DDX4: variants seen among roughly 807,000 people sequenced by gnomAD.
DDX4 encodes the protein probable ATP-dependent RNA helicase DDX4.
DDX4 carries 25 observed loss-of-function variants against 100.0 expected under a neutral mutation model. That is an observed-to-expected ratio of 0.25 (90% CI 0.18 to 0.35). DDX4 has a LOEUF of 0.35. DDX4 is among the 10% of genes least tolerant of loss of function. DDX4 has a pLI of 1.00. For synonymous variants in DDX4, 259 were observed against 275.7 expected, an observed-to-expected ratio of 0.94 and a Z score of 0.60; for missense variants, 635 against 882.4, an observed-to-expected ratio of 0.72 and a Z score of 3.55.
At chr5:55,760,863 A>G (rs1024179585) in intron 4 of DDX4, among the ~76,000 whole-genome samples, 2 of 152,202 alleles carry the variant, frequency 1.3e-5, no homozygotes, top group Non-Finnish European at 2.9e-5. Flanking sequence ...ATTATAGTGC[A>G]ATAACATATT....
chr5:55,781,221 T>A (rs1580564497), intron 9 of DDX4, 75 bp downstream of exon 9: 1 of 1,227,158 alleles, frequency 8.1e-7, no homozygotes, highest in Non-Finnish European at 1.2e-6. Flanking sequence ...AAACCTAATA[T>A]ATATGTTAAA....
At chr5:55,767,755 G>A in intron 6 of DDX4, 126 bp from the exon 7 acceptor site, 1 of 639,678 alleles carries the variant, frequency 1.6e-6, no homozygotes, top group Non-Finnish European at 2.6e-6. Flanking sequence ...GAAGAAATAT[G>A]TTTATATTTT....
intron 2 of DDX4, among the ~76,000 whole-genome samples, chr5:55,742,962 C>T (rs1373440825): frequency 6.6e-6 from 1 of 152,078 alleles, no homozygotes; most frequent in Admixed American, 6.5e-5. Flanking sequence ...AAAGGAGTCC[C>T]AGCAGGACAT....
At chr5:55,786,993 T>A (rs902149933) in intron 14 of DDX4, among the ~76,000 whole-genome samples, 3 of 152,228 alleles carry the variant, frequency 2.0e-5, no homozygotes, top group Non-Finnish European at 2.9e-5. Flanking sequence ...AAGTAATTTC[T>A]GTATTATAGC....
chr5:55,792,243 C>T (rs1742623238), intron 16 of DDX4, among the ~76,000 whole-genome samples: 1 of 151,128 alleles, frequency 6.6e-6, no homozygotes, highest in Non-Finnish European at 1.5e-5. Context: ...TTTAAAAATG[C>T]TTTATAACAG....
chr5:55,784,007 A>G (rs1370434841), intron 10 of DDX4, among the ~76,000 whole-genome samples: 1 of 152,052 alleles, frequency 6.6e-6, no homozygotes, highest in Non-Finnish European at 1.5e-5. Flanking sequence ...ACCTTCCAAC[A>G]GGCCCTGGTA....
chr5:55,749,433 TA>T (rs147733279), intron 3 of DDX4, among the ~76,000 whole-genome samples: 5 of 151,508 alleles, frequency 3.3e-5, no homozygotes, highest in African/African-American at 1.2e-4. Context: ...CCCTGTCTCT[TA>T]AAAAAAAATT....
chr5:55,760,050 A>ATTTTTT, intron 3 of DDX4, 150 bp from the exon 4 acceptor site: 1 of 479,904 alleles, frequency 2.1e-6, no homozygotes. Flanking sequence ...TCATGTAGCC[A>ATTTTTT]TTTTTTTTTT....
At chr5:55,797,762 G>A (rs1743054259) in intron 17 of DDX4, among the ~76,000 whole-genome samples, 1 of 152,212 alleles carries the variant, frequency 6.6e-6, no homozygotes, top group South Asian at 2.1e-4. Context: ...AATTGCAGCT[G>A]ATAGTGAGTT....
intron 7 of DDX4, among the ~76,000 whole-genome samples, chr5:55,773,622 GTTTT>G (rs2111910261): frequency 6.6e-6 from 1 of 151,716 alleles, no homozygotes; most frequent in Admixed American, 6.6e-5. Flanking sequence ...CTCATTGTGG[GTTTT>G]TTGTTTTTTT....
intron 7 of DDX4, among the ~76,000 whole-genome samples, chr5:55,773,918 G>C (rs922269920): frequency 2.6e-5 from 4 of 152,070 alleles, no homozygotes; most frequent in Non-Finnish European, 5.9e-5. Flanking sequence ...GTGCCACAGT[G>C]CCCAGCCCTT....
chr5:55,768,999 T>G (rs1307634621), intron 7 of DDX4, among the ~76,000 whole-genome samples: 1 of 152,178 alleles, frequency 6.6e-6, no homozygotes, highest in Non-Finnish European at 1.5e-5. Context: ...TTTAATTTCC[T>G]TATAGATTCT....
At chr5:55,803,169 A>G (rs560605961) in intron 18 of DDX4, among the ~76,000 whole-genome samples, 11 of 148,088 alleles carry the variant, frequency 7.4e-5, no homozygotes, top group African/African-American at 1.5e-4. Flanking sequence ...TCATTGTTCA[A>G]TTCCCACCGA....
chr5:55,793,067 G>GTGT lies in DDX4; in HGVS notation c.1469+261_1469+262insGTT, dbSNP rs1561507857. 2.6e-3 allele frequency among the ~76,000 whole-genome samples: 377 copies of GTGT among 146,924 alleles called. 3 individuals are homozygous for GTGT. Among genetic ancestry groups the GTGT allele is most frequent in the East Asian group, 7.0e-3 (35 of 5,016 alleles). On this transcript the variant is annotated intron_variant, in intron 17 of 21. Transcript: ENST00000505374. ...GTGTGTGTGTGTGTTTGTGTGTGTTGTTGTTGTTGTTGCATAGAATCCAGC... is the reference window on the plus strand; with the variant it reads ...GTGTGTGTGTGTGTTTGTGTGTGTTGTGTTTGTTGTTGTTGCATAGAATCCAGC...
chr5:55,768,453 T>C (rs1043683965), intron 7 of DDX4, among the ~76,000 whole-genome samples: 4 of 152,214 alleles, frequency 2.6e-5, no homozygotes, highest in Non-Finnish European at 5.9e-5. Flanking sequence ...CAAAGGACTT[T>C]ATGTCATTCT....
At chr5:55,739,172 AAG>A (rs1758849885) in intron 2 of DDX4, 140 bp downstream of exon 2, 1 of 623,156 alleles carries the variant, frequency 1.6e-6, no homozygotes, top group East Asian at 2.8e-5. Flanking sequence ...TATGGGGAAT[AAG>A]AGACAACCTA....
intron 18 of DDX4, among the ~76,000 whole-genome samples, chr5:55,812,592 CAA>C (rs879325931): frequency 3.6e-5 from 5 of 138,494 alleles, no homozygotes; most frequent in African/African-American, 7.9e-5. Flanking sequence ...GACTGCGTCT[CAA>C]AAAAAAAAAA....
intron 21 of DDX4, 127 bp downstream of exon 21, chr5:55,815,550 C>G: frequency 5.5e-6 from 7 of 1,276,172 alleles, no homozygotes; most frequent in Non-Finnish European, 7.1e-6. Flanking sequence ...AAGGTAGCTA[C>G]TTTATTATTT....
At chr5:55,740,415 C>T (rs1313881363) in intron 2 of DDX4, among the ~76,000 whole-genome samples, 1 of 152,018 alleles carries the variant, frequency 6.6e-6, no homozygotes, top group Admixed American at 6.5e-5. Context: ...GATTCACTCA[C>T]CTGGGCCTTC....
Sources: allele counts gnomAD v4.1 joint callset (sites outside exome capture counted in the v4.1 genomes callset), GRCh38; gene constraint gnomAD v4.1.1; transcripts MANE v1.5; gene names NCBI Gene and HGNC (gene_info 2026-07-23, HGNC 2026-07-21).